Variants in RUNX1T1 observed in about 807,000 individuals in gnomAD.
RUNX1T1 encodes protein CBFA2T1.
In RUNX1T1, 4 loss-of-function variants were observed where a neutral mutation model predicts 62.8. That is an observed-to-expected ratio of 0.06 (90% CI 0.03 to 0.15). RUNX1T1 has a LOEUF of 0.15. Ranked by LOEUF, RUNX1T1 falls within the 10% of genes least tolerant of loss-of-function variation. The probability of loss-of-function intolerance (pLI) is 1.00; values close to 1 mark genes in which losing one functional copy is unlikely to be tolerated. For missense variants in RUNX1T1, 508 were observed against 754.3 expected (o/e 0.67, Z 3.82); for synonymous variants, 291 against 286.0 (o/e 1.02, Z -0.18).
chr8:92,095,355 A>T (rs1837635916), intron 1 of RUNX1T1: 2 of 1,534,826 alleles, frequency 1.3e-6, no homozygotes, highest in Non-Finnish European at 1.7e-6. Context: ...ACCTTCTGGC[A>T]AAGGAGCGCG....
exon 11 of RUNX1T1, chr8:91,960,279 G>A (rs1810134483): frequency 1.9e-6 from 3 of 1,609,882 alleles, no homozygotes; most frequent in Non-Finnish European, 2.5e-6. Context: ...AGGGGTTCCC[G>A]GGGTGGTTGA....
At chr8:91,964,265 T>C (rs1811125754) in intron 10 of RUNX1T1, among the ~76,000 whole-genome samples, 1 of 152,170 alleles carries the variant, frequency 6.6e-6, no homozygotes, top group South Asian at 2.1e-4. Flanking sequence ...CAGGCATATA[T>C]CCCTTCTGGT....
intron 1 of RUNX1T1, among the ~76,000 whole-genome samples, chr8:92,043,538 A>C (rs1339103755): frequency 6.6e-6 from 1 of 152,036 alleles, no homozygotes; most frequent in African/African-American, 2.4e-5. Flanking sequence ...TGAAATAATA[A>C]AAAGTATGAT....
At chr8:92,011,358 A>C in intron 3 of RUNX1T1, among the ~76,000 whole-genome samples, 1 of 152,228 alleles carries the variant, frequency 6.6e-6, no homozygotes, top group East Asian at 1.9e-4. Flanking sequence ...AGCATGGTTT[A>C]ATTATCAGAG....
At chr8:91,979,364 G>A (rs1293912969) in intron 8 of RUNX1T1, among the ~76,000 whole-genome samples, 1 of 152,010 alleles carries the variant, frequency 6.6e-6, no homozygotes, top group Non-Finnish European at 1.5e-5. Flanking sequence ...AGATTCTAAG[G>A]CTTAGATTCA....
chr8:91,960,748 C>A (rs538457469), intron 10 of RUNX1T1, among the ~76,000 whole-genome samples: 12 of 152,336 alleles, frequency 7.9e-5, no homozygotes, highest in Admixed American at 4.6e-4. Flanking sequence ...TCTGACAAAG[C>A]AGTTGAAGAC....
chr8:92,016,033 G>A (rs139138731), intron 2 of RUNX1T1, among the ~76,000 whole-genome samples: 6 of 152,258 alleles, frequency 3.9e-5, no homozygotes, highest in South Asian at 2.1e-4. Flanking sequence ...CCTGAGATGC[G>A]TACTTTGCTA....
At chr8:92,070,497 A>G (rs1025763719) in intron 2 of RUNX1T1, among the ~76,000 whole-genome samples, 5 of 152,236 alleles carry the variant, frequency 3.3e-5, no homozygotes, top group Non-Finnish European at 5.9e-5. Context: ...TGTGCATAAT[A>G]GATCACGATG....
At chr8:92,093,463 T>G (rs1202063226) in intron 1 of RUNX1T1, among the ~76,000 whole-genome samples, 1 of 152,214 alleles carries the variant, frequency 6.6e-6, no homozygotes, top group Non-Finnish European at 1.5e-5. Flanking sequence ...TGCCTTTGCT[T>G]GAAATACACA....
At chr8:92,097,012 C>A (rs954540674) in intron 1 of RUNX1T1, among the ~76,000 whole-genome samples, 2 of 152,022 alleles carry the variant, frequency 1.3e-5, no homozygotes, top group Non-Finnish European at 2.9e-5. Flanking sequence ...AATGTTCCAA[C>A]CCCAAGAATA....
chr8:92,016,252 G>A (rs1822970423), intron 2 of RUNX1T1, among the ~76,000 whole-genome samples: 1 of 152,156 alleles, frequency 6.6e-6, no homozygotes, highest in Non-Finnish European at 1.5e-5. Flanking sequence ...ATGGGAAGTT[G>A]CAATTCTGTC....
At chr8:91,957,092 A>G (rs1448352546), downstream of RUNX1T1, 1 of 218,250 alleles carries the variant, frequency 4.6e-6, no homozygotes. Context: ...AGGACGCCCT[A>G]TTCCTATCAG....
intron 1 of RUNX1T1, among the ~76,000 whole-genome samples, chr8:92,081,582 C>T (rs903854577): frequency 6.8e-6 from 1 of 146,938 alleles, no homozygotes; most frequent in African/African-American, 2.5e-5. Context: ...GAAAGACTCT[C>T]TCTAGGGAAT....
intron 1 of RUNX1T1, among the ~76,000 whole-genome samples, chr8:92,047,917 TA>T (rs1193429832): frequency 6.6e-6 from 1 of 152,202 alleles, no homozygotes; most frequent in Admixed American, 6.5e-5. Flanking sequence ...TGCACAAGTT[TA>T]CAATGGAAAG....
intron 1 of RUNX1T1, among the ~76,000 whole-genome samples, chr8:92,041,312 T>A (rs1190768035): frequency 1.3e-5 from 2 of 152,182 alleles, no homozygotes; most frequent in East Asian, 3.9e-4. Flanking sequence ...TAACCCACCA[T>A]CAAATACATG....
intron 5 of RUNX1T1, among the ~76,000 whole-genome samples, chr8:91,999,664 T>A (rs1398820905): frequency 6.6e-6 from 1 of 152,040 alleles, no homozygotes; most frequent in East Asian, 1.9e-4. Flanking sequence ...CATAGGATAG[T>A]GAGGAAAGAA....
exon 11 of RUNX1T1, chr8:91,960,198 G>A (rs745797254): frequency 1.1e-5 from 18 of 1,572,110 alleles, no homozygotes; most frequent in South Asian, 5.8e-5. Flanking sequence ...AATTGGTTTC[G>A]CGTTGGTTGT....
chr8:91,986,039 C>T (rs1816487462), intron 8 of RUNX1T1, 85 bp downstream of exon 9: 1 of 946,122 alleles, frequency 1.1e-6, no homozygotes, highest in Admixed American at 1.8e-5. Flanking sequence ...CTTGCATATC[C>T]TTTAATTTTA....
In RUNX1T1 at chr8:92,014,033, T is replaced by C. The variant is rs143908208; in HGVS notation, c.387+546A>G. Among the ~76,000 whole-genome samples the C allele has an allele frequency of 8.2e-3, 1,250 of 152,278 alleles. 20 individuals carry two copies. The highest frequency in any genetic ancestry group is 0.028 in the African/African-American group (1,174 of 41,544). On this transcript the variant is annotated intron_variant, in intron 3 of 10. Coordinates refer to ENST00000396218, the Ensembl canonical transcript of RUNX1T1. ...AATGGTTAAAATGATGAACTGTATG[T>C]ATATTTTACCACAATAAAAAATTTC...
Sources: allele counts gnomAD v4.1 joint callset (sites outside exome capture counted in the v4.1 genomes callset), GRCh38; gene constraint gnomAD v4.1.1; transcripts MANE v1.5; gene names NCBI Gene and HGNC (gene_info 2026-07-23, HGNC 2026-07-21).